The following INPP5D variants were observed in gnomAD, a reference collection of about 807,000 sequenced individuals.
INPP5D encodes the protein inositol polyphosphate-5-phosphatase D.
INPP5D carries 33 observed loss-of-function variants against 122.9 expected under a neutral mutation model. The observed-to-expected ratio is 0.27, with a 90% CI of 0.20 to 0.36. The LOEUF (loss-of-function observed/expected upper bound fraction) is 0.36, where lower values mean the gene tolerates loss of function less well. Ranked by LOEUF, INPP5D falls within the 10% of genes least tolerant of loss-of-function variation. The pLI, the probability that INPP5D is intolerant of heterozygous loss-of-function variation, is 1.00. For synonymous variants in INPP5D, 584 were observed against 576.2 expected (o/e 1.01, Z -0.19); for missense variants, 1,053 against 1,412.7 (o/e 0.75, Z 4.08).
chr2:233,204,848 G>T, intron 26 of INPP5D, 131 bp downstream of exon 26: 1 of 1,316,992 alleles, frequency 7.6e-7, no homozygotes, highest in South Asian at 1.6e-5. Context: ...ATGTGTGAAC[G>T]CATGCATGTG....
intron 1 of INPP5D, among the ~76,000 whole-genome samples, chr2:233,074,636 C>T (rs1392628791): frequency 6.0e-5 from 9 of 150,764 alleles, no homozygotes; most frequent in African/African-American, 1.5e-4. Context: ...TTTTTTTGAA[C>T]GCAGGGTTTC....
rs137933098 is a variant in INPP5D, at chr2:233,108,525, T to C, written c.199-13582T>C. Among the ~76,000 whole-genome samples the C allele has an allele frequency of 2.5e-3, 376 of 152,342 alleles. 2 individuals carry two copies. Among genetic ancestry groups the C allele is most frequent in the African/African-American group, 8.6e-3 (356 of 41,584 alleles). The stretch of plus-strand genomic sequence containing the variant: ...TGATCAGTCAACATCCATTCTTTCT[T>C]TTTTATTTAAACGAGATGAGGTCTT... On this transcript the variant is annotated intron_variant, in intron 2 of 26. Coordinates refer to ENST00000445964, the MANE Select transcript of INPP5D (RefSeq NM_001017915.3).
At chr2:233,184,580 C>T (rs971048874) in intron 20 of INPP5D, 59 bp downstream of exon 20, 126 of 1,591,928 alleles carry the variant, frequency 7.9e-5, no homozygotes, top group Admixed American at 2.3e-4. Context: ...TTATAAACAC[C>T]TTTCATACTT....
At chr2:233,103,834 G>A (rs1360962532) in intron 2 of INPP5D, among the ~76,000 whole-genome samples, 5 of 149,042 alleles carry the variant, frequency 3.4e-5, no homozygotes, top group Non-Finnish European at 7.4e-5. Context: ...AGCCTCCCGA[G>A]TAGCTGGGAT....
At chr2:233,060,735 C>A in intron 1 of INPP5D, 123 bp downstream of exon 1, 1 of 1,311,206 alleles carries the variant, frequency 7.6e-7, no homozygotes, top group Non-Finnish European at 1.1e-6. Flanking sequence ...CACTTCCCCG[C>A]CACCCTGTCA....
chr2:233,177,506 C>T lies in INPP5D; in HGVS notation c.2071+160C>T, dbSNP rs1694670228. Among the ~76,000 whole-genome samples the T allele has an allele frequency of 6.6e-6, 1 of 152,206 alleles. No homozygotes were observed. The highest frequency in any genetic ancestry group is 1.5e-5 in the Non-Finnish European group (1 of 68,028). ...GCGACCTGGAAATGTTGATGCTTCC[C>T]TGCCTGTCTTGTGCTGCCACCTAAT... On this transcript the variant is annotated intron_variant, in intron 18 of 26. Coordinates refer to ENST00000445964, the MANE Select transcript of INPP5D (RefSeq NM_001017915.3). The surrounding 1 kb of genome is among the most constrained non-coding windows in gnomAD (Gnocchi z 4.2).
chr2:233,123,439 G>A lies in INPP5D; in HGVS notation c.349+1182G>A, dbSNP rs185058642. 7.6e-3 allele frequency among the ~76,000 whole-genome samples: 1,116 copies of A among 147,080 alleles called. 21 individuals are homozygous for A. The highest frequency in any genetic ancestry group is 0.027 in the African/African-American group (1,061 of 39,950). On this transcript the variant is annotated intron_variant, in intron 3 of 26. Transcript: ENST00000445964. ...ACTGAACTCCAGCCTGGCAACAGAGGGAGACTCCGTCTCAAAAAAAAAAAA... is the reference window on the plus strand; with the variant it reads ...ACTGAACTCCAGCCTGGCAACAGAGAGAGACTCCGTCTCAAAAAAAAAAAA...
At position 233,069,049 on chromosome 2, in the gene INPP5D, G is replaced by A. The variant is rs561406743; in HGVS notation, c.134+8437G>A. On this transcript the variant is annotated intron_variant, in intron 1 of 26. Coordinates refer to ENST00000445964, the MANE Select transcript of INPP5D (RefSeq NM_001017915.3). ...GGCTGAGGACGATGGAAGGAGCACAGCATGTTCCATGACGGGGGTACTCAG... is the reference window on the plus strand; with the variant it reads ...GGCTGAGGACGATGGAAGGAGCACAACATGTTCCATGACGGGGGTACTCAG... Among the ~76,000 whole-genome samples the A allele has an allele frequency of 7.0e-4, 106 of 152,374 alleles. 1 individual carries two copies. The South Asian group carries it at 0.021, about 31-fold the overall frequency.
intron 5 of INPP5D, among the ~76,000 whole-genome samples, chr2:233,135,136 G>A (rs1191351332): frequency 1.3e-5 from 2 of 149,482 alleles, no homozygotes; most frequent in Non-Finnish European, 3.0e-5. Context: ...TCTAAGTTTT[G>A]AGAAGCTCCA....
chr2:233,088,410 G>A (rs1374638674), intron 2 of INPP5D, among the ~76,000 whole-genome samples: 6 of 152,152 alleles, frequency 3.9e-5, no homozygotes, highest in African/African-American at 7.2e-5. Flanking sequence ...TGACGTCCAC[G>A]TGAGGCTGCC....
intron 25 of INPP5D, among the ~76,000 whole-genome samples, chr2:233,199,924 T>A (rs13032126): frequency 0.026 from 3,933 of 152,316 alleles, 73 homozygotes; most frequent in Non-Finnish European, 0.039. Flanking sequence ...AGTTTCCATG[T>A]AGAGCCTGCT....
chr2:233,170,715 A>G lies in INPP5D; in HGVS notation c.1900+111A>G. On this transcript the variant is annotated intron_variant, in intron 16 of 26. Transcript: ENST00000445964. This position sits in a 1 kb window ranked among gnomAD's most constrained non-coding sequence, Gnocchi z 4.5. ...TCAGGAGATGGAGACCATCCTGGCT[A>G]ACACAGTGAAACCCCGTCTCTACTT... 1 of 1,389,506 alleles carries G rather than the reference A, an allele frequency of 7.2e-7. No individual in the cohort carries two copies. Among genetic ancestry groups the G allele is most frequent in the Non-Finnish European group, 9.7e-7 (1 of 1,028,082 alleles). 86.1% of individuals were successfully genotyped at this position (1,389,506 alleles called of 1,614,324 possible).
rs942909236 is a variant in INPP5D at position 233,100,495 on chromosome 2, C to T, written c.198+21097C>T. Reference sequence around the variant, plus strand: ...ACACTGTAAACTCCAAAACAGCCCACGTTACTCCCGGTGACAATCAGAATT... The same window carrying T: ...ACACTGTAAACTCCAAAACAGCCCATGTTACTCCCGGTGACAATCAGAATT... On this transcript the variant is annotated intron_variant, in intron 2 of 26. Transcript: ENST00000445964. The surrounding 1 kb of genome is among the most constrained non-coding windows in gnomAD (Gnocchi z 5.3). Among the ~76,000 whole-genome samples, 4 of 152,166 alleles carry T rather than the reference C, an allele frequency of 2.6e-5. 1 individual carries two copies. The highest frequency in any genetic ancestry group is 2.0e-4 in the Admixed American group (3 of 15,272).
intron 2 of INPP5D, among the ~76,000 whole-genome samples, chr2:233,086,119 C>CTCTTTCTTTCCTTCTTTCTT (rs1553569181): frequency 1.6e-4 from 15 of 93,916 alleles, no homozygotes; most frequent in African/African-American, 4.4e-4. Context: ...ATAAGATAGC[C>CTCTTTCTTTCCTTCTTTCTT]TCTTTCTTTC....
At chr2:233,117,003 G>A (rs541139341) in intron 2 of INPP5D, among the ~76,000 whole-genome samples, 2 of 152,316 alleles carry the variant, frequency 1.3e-5, no homozygotes, top group African/African-American at 2.4e-5. Flanking sequence ...GCTAACGGGC[G>A]GAGGCGTTCA....
intron 2 of INPP5D, among the ~76,000 whole-genome samples, chr2:233,080,364 T>A (rs2106210594): frequency 6.6e-6 from 1 of 152,262 alleles, no homozygotes; most frequent in Non-Finnish European, 1.5e-5. Flanking sequence ...AAAGCTATTG[T>A]TATCTGGCTA....
At chr2:233,085,964 C>T (rs1316593301) in intron 2 of INPP5D, among the ~76,000 whole-genome samples, 1 of 152,186 alleles carries the variant, frequency 6.6e-6, no homozygotes, top group East Asian at 1.9e-4. Context: ...TTACCCAAAG[C>T]GGTCTAGAAC....
intron 2 of INPP5D, among the ~76,000 whole-genome samples, chr2:233,107,665 C>T (rs191519037): frequency 3.1e-4 from 47 of 152,236 alleles, no homozygotes; most frequent in African/African-American, 9.6e-4. Flanking sequence ...AGATAGAACC[C>T]AGCTCCACTA....
rs1195327382 is a variant in INPP5D, at chr2:233,160,366, A to G, written c.1138-1358A>G. On this transcript the variant is annotated intron_variant, in intron 10 of 26. Transcript: ENST00000445964. This position sits in a 1 kb window ranked among gnomAD's most constrained non-coding sequence, Gnocchi z 4.2. The stretch of plus-strand genomic sequence containing the variant: ...GCCAACTGAGGCTGCTTGGTGCCCC[A>G]CTGGGTACCCCAGAAAAATACGTGA... 6.6e-6 allele frequency among the ~76,000 whole-genome samples: 1 copy of G among 152,160 alleles called. No individual in the cohort carries two copies. Among genetic ancestry groups the G allele is most frequent in the Non-Finnish European group, 1.5e-5 (1 of 68,034 alleles).
Sources: gnomAD v4.1 joint callset for allele counts (sites outside exome capture counted in the v4.1 genomes callset) on GRCh38, gnomAD v4.1.1 for gene constraint, Gnocchi (gnomAD v3.1) non-coding constraint, MANE v1.5 for transcripts, NCBI Gene and HGNC (gene_info 2026-07-23, HGNC 2026-07-21) for gene names.